TJP1: variants seen among roughly 807,000 people sequenced by gnomAD.
The protein encoded by TJP1 is tight junction protein ZO-1.
A neutral mutation model predicts 194.2 loss-of-function variants in TJP1; 43 were observed. The ratio of observed to expected loss-of-function variants is 0.22; its 90% CI spans 0.17 to 0.29. The LOEUF (loss-of-function observed/expected upper bound fraction) is 0.29, where lower values mean the gene tolerates loss of function less well. Ranked by LOEUF, TJP1 falls within the 10% of genes least tolerant of loss-of-function variation. The probability of loss-of-function intolerance (pLI) is 1.00; values close to 1 mark genes in which losing one functional copy is unlikely to be tolerated. For synonymous variants in TJP1, 801 were observed against 779.0 expected (o/e 1.03, Z -0.47); for missense variants, 1,971 against 2,185.7 (o/e 0.90, Z 1.96).
intron 4 of TJP1, 129 bp downstream of exon 4, chr15:29,771,935 G>A (rs2046714212): frequency 1.7e-6 from 1 of 599,286 alleles, no homozygotes; most frequent in South Asian, 2.4e-5. Flanking sequence ...AAACACTCAA[G>A]TGTAAACAAA....
intron 8 of TJP1, among the ~76,000 whole-genome samples, chr15:29,744,900 T>A (rs45609531): frequency 7.5e-4 from 114 of 151,950 alleles, no homozygotes; most frequent in African/African-American, 2.4e-3. Context: ...GAGGAAAAAA[T>A]TCTAAATAAA....
intron 2 of TJP1, among the ~76,000 whole-genome samples, chr15:29,836,350 G>A (rs917618322): frequency 3.3e-5 from 5 of 151,426 alleles, no homozygotes; most frequent in Non-Finnish European, 7.4e-5. Context: ...TCAGCTCACT[G>A]CAAGCTCCGC....
intron 2 of TJP1, among the ~76,000 whole-genome samples, chr15:29,919,950 A>T (rs1315208957): frequency 6.6e-6 from 1 of 152,226 alleles, no homozygotes; most frequent in African/African-American, 2.4e-5. Context: ...CCCAGAAGAC[A>T]GAAAGGATGC....
chr15:29,715,557 G>A (rs1008347772), intron 23 of TJP1, among the ~76,000 whole-genome samples: 21 of 152,108 alleles, frequency 1.4e-4, no homozygotes, highest in African/African-American at 2.2e-4. Context: ...CCAAGCCCAC[G>A]CAACTAAGTA....
rs1423538461 is a variant in TJP1, at chr15:29,900,799, C to T, written c.306+55433G>A. On this transcript the variant is annotated intron_variant, in intron 2 of 28. Transcript: ENST00000356107. ...TACTTTGTGCTTTGCCCTGACTTTG[C>T]TAGGTCCAGAAATACAAACATGAGT... is the stretch of plus-strand genomic sequence containing the variant. 2.0e-5 allele frequency among the ~76,000 whole-genome samples: 3 copies of T among 152,144 alleles called. No individual in the cohort carries two copies. In the East Asian group the frequency reaches 5.8e-4, roughly 29 times the overall value.
At chr15:29,881,168 T>C (rs2152132587) in intron 2 of TJP1, among the ~76,000 whole-genome samples, 1 of 152,324 alleles carries the variant, frequency 6.6e-6, no homozygotes, top group South Asian at 2.1e-4. Context: ...TCATTGTAGT[T>C]TAGATTTGCA....
At chr15:29,841,511 TC>T (rs2051224441) in intron 2 of TJP1, among the ~76,000 whole-genome samples, 1 of 152,212 alleles carries the variant, frequency 6.6e-6, no homozygotes, top group Non-Finnish European at 1.5e-5. Context: ...AGGCTGCATT[TC>T]TTTATATGCT....
intron 2 of TJP1, among the ~76,000 whole-genome samples, chr15:29,797,139 T>C (rs1183478955): frequency 2.6e-5 from 4 of 152,192 alleles, no homozygotes; most frequent in African/African-American, 4.8e-5. Context: ...AACTGGACTT[T>C]ATCAAAAATT....
intron 12 of TJP1, 57 bp from the exon 13 acceptor site, chr15:29,733,370 G>A: frequency 6.7e-6 from 8 of 1,193,682 alleles, no homozygotes; most frequent in Non-Finnish European, 9.6e-6. Context: ...CAATCTGAAA[G>A]ACAGTACATT....
chr15:29,769,785 T>C (rs1205030679), intron 4 of TJP1, among the ~76,000 whole-genome samples: 5 of 152,324 alleles, frequency 3.3e-5, no homozygotes, highest in Admixed American at 6.5e-5. Context: ...GCCAGTGGAA[T>C]AGAAGTGTAG....
chr15:29,716,580 C>A, intron 23 of TJP1, 31 bp downstream of exon 23: 1 of 1,508,746 alleles, frequency 6.6e-7, no homozygotes, highest in South Asian at 1.1e-5. Context: ...ATGCTGCATC[C>A]TATTTTTAAA....
intron 2 of TJP1, among the ~76,000 whole-genome samples, chr15:29,796,656 G>A (rs929952950): frequency 6.6e-6 from 1 of 152,142 alleles, no homozygotes; most frequent in African/African-American, 2.4e-5. Context: ...TTGAGGGAAG[G>A]AAGATAAAAG....
At chr15:29,705,415 C>A in intron 26 of TJP1, 113 bp downstream of exon 26, 1 of 1,138,226 alleles carries the variant, frequency 8.8e-7, no homozygotes. Context: ...CGCTACAGCA[C>A]TCATCTGGAG....
chr15:29,788,552 A>G (rs780216576), intron 2 of TJP1, among the ~76,000 whole-genome samples: 5 of 151,936 alleles, frequency 3.3e-5, no homozygotes, highest in African/African-American at 4.8e-5. Context: ...TGGGTCTGTT[A>G]ATGACTGTTC....
intron 18 of TJP1, among the ~76,000 whole-genome samples, chr15:29,724,941 C>G (rs2043152615): frequency 6.6e-6 from 1 of 152,054 alleles, no homozygotes. Flanking sequence ...TTTAAAAAAG[C>G]CTCTCAGATA....
chr15:29,700,043 G>A (rs960285649), downstream of TJP1: 7 of 366,396 alleles, frequency 1.9e-5, no homozygotes, highest in African/African-American at 8.3e-5. Context: ...ACCAGACGAC[G>A]AGGTGGTAGG....
intron 2 of TJP1, among the ~76,000 whole-genome samples, chr15:29,800,133 C>T (rs924104595): frequency 5.3e-5 from 8 of 152,228 alleles, no homozygotes; most frequent in Admixed American, 2.0e-4. Flanking sequence ...AGCAGTCTCA[C>T]TTCGGACAAA....
chr15:29,871,072 C>G (rs1405110176), intron 2 of TJP1, among the ~76,000 whole-genome samples: 1 of 152,150 alleles, frequency 6.6e-6, no homozygotes, highest in Non-Finnish European at 1.5e-5. Flanking sequence ...TCTGAATACT[C>G]CGCTGTGTTC....
chr15:29,836,682 T>G (rs1393716760), intron 2 of TJP1, among the ~76,000 whole-genome samples: 1 of 152,140 alleles, frequency 6.6e-6, no homozygotes, highest in Non-Finnish European at 1.5e-5. Context: ...AGTTGAAACT[T>G]AATCACCAAT....
Sources: gnomAD v4.1 joint callset for allele counts (sites outside exome capture counted in the v4.1 genomes callset) on GRCh38, gnomAD v4.1.1 for gene constraint, MANE v1.5 for transcripts, NCBI Gene and HGNC (gene_info 2026-07-23, HGNC 2026-07-21) for gene names.